NRXN1: variants seen among roughly 807,000 people sequenced by gnomAD.
The protein encoded by NRXN1 is neurexin 1.
In NRXN1, 39 loss-of-function variants were observed where a neutral mutation model predicts 150.9. The ratio of observed to expected loss-of-function variants is 0.26; its 90% CI spans 0.20 to 0.34. The LOEUF is 0.34. NRXN1 is among the 10% of genes least tolerant of loss of function. The pLI, the probability that NRXN1 is intolerant of heterozygous loss-of-function variation, is 1.00. For synonymous variants in NRXN1, 924 were observed against 757.0 expected, an observed-to-expected ratio of 1.22 and a Z score of -3.62; for missense variants, 1,815 against 1,949.9, an observed-to-expected ratio of 0.93 and a Z score of 1.30.
At chr2:50,840,369 A>G (rs1672693317) in intron 5 of NRXN1, among the ~76,000 whole-genome samples, 1 of 152,164 alleles carries the variant, frequency 6.6e-6, no homozygotes, top group African/African-American at 2.4e-5. Flanking sequence ...ACTTATGATT[A>G]ACATCAACAA....
At chr2:50,342,188 GAAAT>G (rs1472634395) in intron 17 of NRXN1, among the ~76,000 whole-genome samples, 1 of 152,160 alleles carries the variant, frequency 6.6e-6, no homozygotes, top group Non-Finnish European at 1.5e-5. Context: ...AACAATCTAA[GAAAT>G]AAATCTATTA....
At chr2:50,802,925 C>G (rs1280289961) in intron 5 of NRXN1, among the ~76,000 whole-genome samples, 1 of 152,130 alleles carries the variant, frequency 6.6e-6, no homozygotes. Context: ...GGAACGATTT[C>G]TCTGCAGATT....
Position 51,027,565 on chromosome 2 carries a change from C to A in NRXN1, c.709G>T (p.Val237Leu). The A allele has an allele frequency of 6.2e-7, 1 of 1,600,512 alleles. No homozygotes were observed. The highest frequency in any genetic ancestry group is 8.5e-7 in the Non-Finnish European group (1 of 1,170,818). The change falls in exon 2 of 23, where the codon GTG (valine) becomes TTG (leucine). Residue 237 changes from valine to leucine, a missense_variant. By Grantham distance (32) the Val-to-Leu change is conservative. This residue lies in a region of NRXN1 where 554 missense variants were observed against 478.8 expected (regional missense o/e 1.16). Transcript: ENST00000401669. ...VCLNGGVCSV[V>L]DDQAVCDCSR... ...CAGTCGCACACGGCCTGGTCGTCCA[C>A]CACGGAGCACACACCTCCGTTGAGG...
intron 5 of NRXN1, among the ~76,000 whole-genome samples, chr2:50,759,622 A>T (rs1419672457): frequency 6.6e-6 from 1 of 151,920 alleles, no homozygotes; most frequent in Non-Finnish European, 1.5e-5. Flanking sequence ...TAAGTTATTA[A>T]AGGGCTGATA....
At chr2:51,011,912 T>G (rs575886139) in intron 2 of NRXN1, among the ~76,000 whole-genome samples, 1 of 152,060 alleles carries the variant, frequency 6.6e-6, no homozygotes, top group Admixed American at 6.5e-5. Context: ...TGAGGGAGTA[T>G]GAGAGCCTAA....
chr2:50,248,140 G>T (rs2152894441), intron 17 of NRXN1, among the ~76,000 whole-genome samples: 1 of 152,144 alleles, frequency 6.6e-6, no homozygotes, highest in South Asian at 2.1e-4. Flanking sequence ...AGCCTCCTGA[G>T]TAGCTGGGGC....
chr2:50,633,431 G>T (rs1682703727), intron 5 of NRXN1, among the ~76,000 whole-genome samples: 1 of 152,086 alleles, frequency 6.6e-6, no homozygotes. Context: ...GAGAAATCAT[G>T]CTGGATGGGA....
rs202211525 is a variant in NRXN1, at chr2:50,620,091, T to C, written c.1251A>G (p.Gly417=). ...MLGSDDFFYV[G]GSPSTADLPG... Reference sequence around the variant, plus strand: ...GAAGGTCGGCTGTGCTGGGACTGCCTCCAACATAGAAAAAGTCATCAGACC... The same window carrying C: ...GAAGGTCGGCTGTGCTGGGACTGCCCCCAACATAGAAAAAGTCATCAGACC... The change falls in exon 8 of 23, where the codon GGA becomes GGG. Residue 417 remains glycine, a synonymous_variant. Coordinates refer to ENST00000401669, the MANE Select transcript of NRXN1 (RefSeq NM_001330078.2). 1.5e-5 allele frequency: 24 copies of C among 1,613,220 alleles called. No individual in the cohort carries two copies. The highest frequency in any genetic ancestry group is 1.9e-5 in the Non-Finnish European group (23 of 1,179,598).
intron 8 of NRXN1, among the ~76,000 whole-genome samples, chr2:50,554,865 T>G (rs141834115): frequency 1.1e-3 from 161 of 152,256 alleles, no homozygotes; most frequent in African/African-American, 3.8e-3. Flanking sequence ...TGAACAAATA[T>G]GTACAATGGT....
At chr2:50,328,691 G>A (rs183581276) in intron 17 of NRXN1, among the ~76,000 whole-genome samples, 8 of 152,252 alleles carry the variant, frequency 5.3e-5, no homozygotes, top group Non-Finnish European at 1.5e-5. Flanking sequence ...AGCCGAGATC[G>A]TGTCACTGAA....
intron 18 of NRXN1, among the ~76,000 whole-genome samples, chr2:50,114,428 T>C (rs1242514159): frequency 1.3e-5 from 2 of 152,124 alleles, no homozygotes; most frequent in African/African-American, 4.8e-5. Context: ...GCAATACAGT[T>C]ACTTTGGAAG....
chr2:50,296,484 C>T (rs7595117), intron 17 of NRXN1, among the ~76,000 whole-genome samples: 6,088 of 141,540 alleles, frequency 0.043, 420 homozygotes, highest in African/African-American at 0.14. Flanking sequence ...TGTCACTTCC[C>T]TCTGCATATC....
chr2:50,698,340 A>AT (rs1257576859), intron 5 of NRXN1, among the ~76,000 whole-genome samples: 3 of 152,230 alleles, frequency 2.0e-5, no homozygotes, highest in Admixed American at 2.0e-4. Flanking sequence ...GCCAAAGGAT[A>AT]TATGCTATCA....
chr2:49,974,286 G>T lies in NRXN1; in HGVS notation c.4129-30495C>A, dbSNP rs111539863. ...GGATGCTGCAGTTCCGTCTGCAGTT[G>T]ACGAGGCTGTTGGTACACAGCCCAG... On this transcript the variant is annotated intron_variant, in intron 21 of 22. Coordinates refer to ENST00000401669, the MANE Select transcript of NRXN1 (RefSeq NM_001330078.2). 57 of 558,746 alleles carry T rather than the reference G, an allele frequency of 1.0e-4. 1 individual carries two copies. The East Asian group carries it at 1.6e-3, about 15-fold the overall frequency. The allele number at this position is 558,746 out of a possible 1,614,324, so 34.6% of individuals were successfully genotyped here. A position where few individuals can be genotyped will look rare whatever the true frequency, so the allele number is the denominator to read the frequency against.
chr2:50,770,573 A>G (rs1024317302), intron 5 of NRXN1, among the ~76,000 whole-genome samples: 31 of 152,078 alleles, frequency 2.0e-4, no homozygotes, highest in Admixed American at 2.6e-4. Flanking sequence ...CATTTATCAT[A>G]ATTTGCTGGA....
intron 5 of NRXN1, among the ~76,000 whole-genome samples, chr2:50,696,867 C>G (rs72887545): frequency 0.026 from 3,958 of 152,278 alleles, 179 homozygotes; most frequent in African/African-American, 0.09. Context: ...GTAATCACAT[C>G]ATTTGAGTAG....
chr2:50,421,569 C>T (rs2084002135), intron 17 of NRXN1, among the ~76,000 whole-genome samples: 1 of 152,050 alleles, frequency 6.6e-6, no homozygotes, highest in Non-Finnish European at 1.5e-5. Context: ...TTGCATATGG[C>T]TGTATCTTTT....
chr2:50,027,456 T>C (rs563387694), intron 21 of NRXN1, among the ~76,000 whole-genome samples: 11 of 148,142 alleles, frequency 7.4e-5, no homozygotes, highest in African/African-American at 2.7e-4. Context: ...CTTCTCTCCT[T>C]TTTTGAGACA....
At chr2:50,091,166 G>A (rs1194957482) in intron 19 of NRXN1, among the ~76,000 whole-genome samples, 157 bp downstream of exon 19, 1 of 152,220 alleles carries the variant, frequency 6.6e-6, no homozygotes, top group African/African-American at 2.4e-5. Context: ...AGCAAGAACA[G>A]TTTAGGACAG....
Sources: gnomAD v4.1 joint callset for allele counts (sites outside exome capture counted in the v4.1 genomes callset) on GRCh38, gnomAD v4.1.1 for gene constraint, gnomAD v4.1.1 regional missense constraint, MANE v1.5 for transcripts, NCBI Gene and HGNC (gene_info 2026-07-23, HGNC 2026-07-21) for gene names.